Variants in FAM163A observed in about 807,000 individuals in gnomAD.
FAM163A encodes protein FAM163A.
Under a neutral mutation model 12.0 loss-of-function variants are expected in FAM163A, and 7 were observed. The observed-to-expected ratio is 0.58, with a 90% CI of 0.33 to 1.10. The LOEUF (loss-of-function observed/expected upper bound fraction) is 1.10, where lower values mean the gene tolerates loss of function less well. Ranked by LOEUF, FAM163A falls within the 50% of genes least tolerant of loss-of-function variation. The pLI is 0.03. For missense variants in FAM163A, 202 were observed against 218.6 expected, an observed-to-expected ratio of 0.92 and a Z score of 0.48; for synonymous variants, 101 against 91.0, an observed-to-expected ratio of 1.11 and a Z score of -0.62.
intron 1 of FAM163A, among the ~76,000 whole-genome samples, chr1:179,802,229 T>C (rs1386177813): frequency 1.3e-5 from 2 of 152,224 alleles, no homozygotes; most frequent in African/African-American, 2.4e-5. Flanking sequence ...GTGTATTCAT[T>C]TTTTGGTATG....
At chr1:179,772,183 C>T (rs544185986) in intron 1 of FAM163A, among the ~76,000 whole-genome samples, 1 of 152,308 alleles carries the variant, frequency 6.6e-6, no homozygotes, top group African/African-American at 2.4e-5. Flanking sequence ...ATTCTCTGAT[C>T]CCCAGGCTTA....
chr1:179,741,907 G>T (rs1683698292), upstream of FAM163A: 1 of 152,194 alleles, frequency 6.6e-6, no homozygotes, highest in South Asian at 2.1e-4. Context: ...GTGGTGTTTG[G>T]TTTATGATTC....
chr1:179,797,965 C>G (rs1438458140), intron 1 of FAM163A, among the ~76,000 whole-genome samples: 1 of 152,124 alleles, frequency 6.6e-6, no homozygotes, highest in Non-Finnish European at 1.5e-5. Flanking sequence ...CGCAGTGGCT[C>G]ACACCTGTAA....
At chr1:179,766,393 T>G (rs1397766998) in intron 1 of FAM163A, among the ~76,000 whole-genome samples, 1 of 152,182 alleles carries the variant, frequency 6.6e-6, no homozygotes, top group Non-Finnish European at 1.5e-5. Flanking sequence ...CCAAGAAGAA[T>G]CCAGACCCAC....
rs1695209579 is a variant in FAM163A, at chr1:179,815,114, GA to G, written c.*926del. ...GTACGCACGCGCGCGCGCGCGCACA[GA>G]CACACACACACACACACACACACAC... is the stretch of plus-strand genomic sequence containing the variant. On this transcript the variant is annotated 3_prime_UTR_variant, in exon 5 of 5. Coordinates refer to ENST00000341785, the MANE Select transcript of FAM163A (RefSeq NM_173509.3). The G allele has an allele frequency of 4.4e-4, 57 of 129,916 alleles. No homozygotes were observed. Among genetic ancestry groups the G allele is most frequent in the African/African-American group, 1.9e-3 (50 of 26,624 alleles). The allele number at this position is 129,916 out of a possible 1,614,324, so 8.0% of individuals were successfully genotyped here. A position where few individuals can be genotyped will look rare whatever the true frequency, so the allele number is the denominator to read the frequency against.
At chr1:179,746,588 A>G (rs1442190659) in intron 1 of FAM163A, among the ~76,000 whole-genome samples, 2 of 152,238 alleles carry the variant, frequency 1.3e-5, no homozygotes, top group Admixed American at 1.3e-4. Context: ...AACTATAGAC[A>G]CAAAACCTAA....
At chr1:179,747,840 G>A (rs1684713220) in intron 1 of FAM163A, among the ~76,000 whole-genome samples, 1 of 151,796 alleles carries the variant, frequency 6.6e-6, no homozygotes, top group Admixed American at 6.6e-5. Context: ...AAACAAAGCA[G>A]TCAGTGTTCT....
At chr1:179,752,543 A>T (rs550680518) in intron 1 of FAM163A, among the ~76,000 whole-genome samples, 1 of 152,166 alleles carries the variant, frequency 6.6e-6, no homozygotes, top group Non-Finnish European at 1.5e-5. Flanking sequence ...ATATTTGCAA[A>T]CTGTACATCT....
At chr1:179,738,426 G>A (rs1450486970), upstream of FAM163A, among the ~76,000 whole-genome samples, 1 of 152,064 alleles carries the variant, frequency 6.6e-6, no homozygotes, top group East Asian at 1.9e-4. Context: ...ACAAAAATAT[G>A]TAGTTTTTTG....
At chr1:179,762,253 A>G (rs1411895385) in intron 1 of FAM163A, among the ~76,000 whole-genome samples, 1 of 152,238 alleles carries the variant, frequency 6.6e-6, no homozygotes, top group Non-Finnish European at 1.5e-5. Flanking sequence ...CAAGAATTCA[A>G]TGGTTCTTTC....
intron 1 of FAM163A, among the ~76,000 whole-genome samples, chr1:179,774,129 T>G (rs1161327119): frequency 6.6e-6 from 1 of 152,232 alleles, no homozygotes; most frequent in Admixed American, 6.5e-5. Flanking sequence ...TGGGCAGCCT[T>G]GCTGAACCTC....
intron 1 of FAM163A, among the ~76,000 whole-genome samples, chr1:179,789,592 A>G (rs1691150564): frequency 6.6e-6 from 1 of 152,244 alleles, no homozygotes; most frequent in African/African-American, 2.4e-5. Flanking sequence ...AGGAGGATGT[A>G]GACCTTGAGG....
In FAM163A at chr1:179,815,569, G is replaced by A. The variant is rs1260712489; in HGVS notation, c.*1380G>A. 6.6e-6 allele frequency: 1 copy of A among 152,260 alleles called. No individual in the cohort carries two copies. The highest frequency in any genetic ancestry group is 2.4e-5 in the African/African-American group (1 of 41,452). 9.4% of individuals were successfully genotyped at this position (152,260 alleles called of 1,614,324 possible). A position where few individuals can be genotyped will look rare whatever the true frequency, so the allele number is the denominator to read the frequency against. ...GAGCCATTTATTGTGTCTCACACCA[G>A]CCTCATTTCCAACTCCGACTTCCTA... is the stretch of plus-strand genomic sequence containing the variant. On this transcript the variant is annotated 3_prime_UTR_variant, in exon 5 of 5. Transcript: ENST00000341785.
chr1:179,759,565 G>A (rs1057232668), intron 1 of FAM163A, among the ~76,000 whole-genome samples: 2 of 152,158 alleles, frequency 1.3e-5, no homozygotes, highest in Non-Finnish European at 2.9e-5. Context: ...GACCAGGAAG[G>A]GCTTTGGCTG....
At chr1:179,761,114 G>A (rs1270467032) in intron 1 of FAM163A, among the ~76,000 whole-genome samples, 1 of 152,178 alleles carries the variant, frequency 6.6e-6, no homozygotes, top group Non-Finnish European at 1.5e-5. Context: ...TGAAAAAATA[G>A]TCATGATATA....
At chr1:179,796,586 C>G (rs1281588823) in intron 1 of FAM163A, among the ~76,000 whole-genome samples, 1 of 152,208 alleles carries the variant, frequency 6.6e-6, no homozygotes, top group Non-Finnish European at 1.5e-5. Context: ...ATGCTTCTCA[C>G]ACGCCTGTCA....
intron 1 of FAM163A, among the ~76,000 whole-genome samples, chr1:179,775,015 G>A (rs1000361383): frequency 6.6e-6 from 1 of 152,196 alleles, no homozygotes; most frequent in East Asian, 1.9e-4. Context: ...ACAAAAGAAC[G>A]AAAGCAACGA....
intron 1 of FAM163A, among the ~76,000 whole-genome samples, chr1:179,777,589 G>A (rs1484500019): frequency 1.3e-5 from 2 of 152,122 alleles, no homozygotes; most frequent in Non-Finnish European, 2.9e-5. Context: ...AAAACTGAAG[G>A]TTTGAACACT....
At chr1:179,758,194 G>A (rs968002130) in intron 1 of FAM163A, among the ~76,000 whole-genome samples, 11 of 152,214 alleles carry the variant, frequency 7.2e-5, no homozygotes, top group Non-Finnish European at 1.5e-4. Context: ...CACAGAGGAG[G>A]CGGTAAAACC....
Sources: allele counts gnomAD v4.1 joint callset (sites outside exome capture counted in the v4.1 genomes callset), GRCh38; gene constraint gnomAD v4.1.1; transcripts MANE v1.5; gene names NCBI Gene and HGNC (gene_info 2026-07-23, HGNC 2026-07-21).